Variants in DACH2 observed in about 807,000 individuals in gnomAD.
The protein encoded by DACH2 is dachshund homolog 2.
A neutral mutation model predicts 35.8 loss-of-function variants in DACH2; 17 were observed. The observed-to-expected ratio is 0.48, with a 90% CI of 0.33 to 0.71. The LOEUF is 0.71. DACH2 is among the 30% of genes least tolerant of loss of function. The pLI is 0.02. For synonymous variants in DACH2, 195 were observed against 177.3 expected (o/e 1.10, Z -0.79); for missense variants, 469 against 472.7 (o/e 0.99, Z 0.07).
chrX:86,406,111 G>A (rs1220543422), intron 2 of DACH2, among the ~76,000 whole-genome samples: 2 of 111,492 alleles, frequency 1.8e-5, no homozygotes, highest in East Asian at 2.8e-4. Context: ...TTTGGGACAC[G>A]GCCAAATCAT....
At chrX:86,294,216 C>T (rs755966585) in intron 1 of DACH2, among the ~76,000 whole-genome samples, 221 of 111,809 alleles carry the variant, frequency 2.0e-3, no homozygotes, top group African/African-American at 6.5e-3. Flanking sequence ...TTGATTGCAT[C>T]GGCTCCTGAG....
chrX:86,827,802 G>T (rs780889846), intron 11 of DACH2: 1 of 1,163,121 alleles, frequency 8.6e-7, no homozygotes, highest in Non-Finnish European at 1.2e-6. Flanking sequence ...CTGATCATAG[G>T]CACGAATAGG....
intron 1 of DACH2, among the ~76,000 whole-genome samples, chrX:86,188,174 C>T (rs1345267228): frequency 8.9e-6 from 1 of 112,208 alleles, no homozygotes; most frequent in Non-Finnish European, 1.9e-5. Flanking sequence ...GACAGCCAAC[C>T]TCTGCTAATG....
intron 7 of DACH2, among the ~76,000 whole-genome samples, chrX:86,754,097 T>C: frequency 9.0e-6 from 1 of 111,608 alleles, no homozygotes; most frequent in South Asian, 3.7e-4. Context: ...TGGAATTAAA[T>C]TAATAAGCAA....
chrX:86,233,400 C>T lies in DACH2; in HGVS notation c.488+84292C>T, dbSNP rs770705651. 7.2e-5 allele frequency among the ~76,000 whole-genome samples: 8 copies of T among 111,871 alleles called. No homozygotes were observed. In the East Asian group the frequency reaches 2.0e-3, roughly 27 times the overall value. On this transcript the variant is annotated intron_variant, in intron 1 of 11. Transcript: ENST00000373125. ...AGACAAGCCTACTTCAATTCATTTG[C>T]CTAGTTATTAACACCAACTAGTTGA...
intron 2 of DACH2, among the ~76,000 whole-genome samples, chrX:86,483,576 G>T (rs1231831871): frequency 9.0e-6 from 1 of 111,050 alleles, no homozygotes; most frequent in Non-Finnish European, 1.9e-5. Context: ...CGTGCCTGTT[G>T]TCCCAGCACT....
chrX:86,783,643 T>TTAAG (rs1244056249), intron 7 of DACH2, among the ~76,000 whole-genome samples: 1 of 112,160 alleles, frequency 8.9e-6, no homozygotes, highest in Non-Finnish European at 1.9e-5. Context: ...ATTTATCATT[T>TTAAG]TAAGTGAAAT....
At chrX:86,647,250 G>A (rs1198838427) in intron 3 of DACH2, among the ~76,000 whole-genome samples, 1 of 110,331 alleles carries the variant, frequency 9.1e-6, no homozygotes, top group Non-Finnish European at 1.9e-5. Context: ...ATTAACAATA[G>A]CCAATATATT....
chrX:86,641,853 A>T (rs1393482781), intron 3 of DACH2, among the ~76,000 whole-genome samples: 3 of 112,068 alleles, frequency 2.7e-5, no homozygotes, highest in Non-Finnish European at 5.6e-5. Context: ...ATATCCAGCC[A>T]AATGTAGCTT....
intron 7 of DACH2, among the ~76,000 whole-genome samples, chrX:86,758,519 T>A (rs2041849970): frequency 8.9e-6 from 1 of 112,257 alleles, no homozygotes; most frequent in Non-Finnish European, 1.9e-5. Flanking sequence ...CATTTCCCTG[T>A]ATTTATTCAG....
rs151136383 is a variant in DACH2, at chrX:86,424,276, C to G, written c.527+47414C>G. Among the ~76,000 whole-genome samples, 11 of 110,471 alleles carry G rather than the reference C, an allele frequency of 1.0e-4. No homozygotes were observed. The East Asian group carries it at 3.1e-3, about 31-fold the overall frequency. Reference sequence around the variant, plus strand: ...GTGAACCTGTAGATTGCTTTGTGTACTATGGACATTTTAACAATATTGATT... The same window carrying G: ...GTGAACCTGTAGATTGCTTTGTGTAGTATGGACATTTTAACAATATTGATT... On this transcript the variant is annotated intron_variant, in intron 2 of 11. Coordinates refer to ENST00000373125, the MANE Select transcript of DACH2 (RefSeq NM_053281.3).
intron 1 of DACH2, among the ~76,000 whole-genome samples, chrX:86,241,371 C>A (rs1422841097): frequency 8.9e-6 from 1 of 111,798 alleles, no homozygotes; most frequent in African/African-American, 3.3e-5. Flanking sequence ...ATGTTTGGAA[C>A]TTTGAACTTG....
chrX:86,464,768 A>G (rs2037637174), intron 2 of DACH2, among the ~76,000 whole-genome samples: 1 of 112,305 alleles, frequency 8.9e-6, no homozygotes, highest in African/African-American at 3.2e-5. Context: ...TCATAAAAGG[A>G]TGAGTAACTT....
At chrX:86,641,007 A>G (rs977642243) in intron 3 of DACH2, among the ~76,000 whole-genome samples, 5 of 112,403 alleles carry the variant, frequency 4.4e-5, no homozygotes, top group African/African-American at 1.6e-4. Context: ...ATGAGAAAGA[A>G]CCAGCCTAAG....
At chrX:86,404,135 T>C (rs1371051747) in intron 2 of DACH2, among the ~76,000 whole-genome samples, 1 of 110,849 alleles carries the variant, frequency 9.0e-6, no homozygotes, top group Admixed American at 9.6e-5. Flanking sequence ...ATGAGATTTT[T>C]GTGGGGACAC....
chrX:86,210,025 G>A (rs553927220), intron 1 of DACH2, among the ~76,000 whole-genome samples: 6 of 111,332 alleles, frequency 5.4e-5, no homozygotes, highest in Non-Finnish European at 7.6e-5. Context: ...ATGGCGTAAC[G>A]AAATAAGTTT....
At chrX:86,271,231 G>A (rs892624649) in intron 1 of DACH2, among the ~76,000 whole-genome samples, 2 of 111,949 alleles carry the variant, frequency 1.8e-5, no homozygotes, top group African/African-American at 6.5e-5. Context: ...TCAAGAATTA[G>A]CTTGTTTGAC....
chrX:86,461,046 C>T (rs957400923), intron 2 of DACH2, among the ~76,000 whole-genome samples: 3 of 110,753 alleles, frequency 2.7e-5, no homozygotes, highest in East Asian at 2.8e-4. Flanking sequence ...ATAAACCCAC[C>T]GAAATGCTTC....
intron 1 of DACH2, among the ~76,000 whole-genome samples, chrX:86,206,012 G>A (rs2147908476): frequency 8.9e-6 from 1 of 111,962 alleles, no homozygotes; most frequent in African/African-American, 3.2e-5. Flanking sequence ...TGAGAGTTAA[G>A]TAGAGCAGAC....
Sources: allele counts gnomAD v4.1 joint callset (sites outside exome capture counted in the v4.1 genomes callset), GRCh38; gene constraint gnomAD v4.1.1; transcripts MANE v1.5; gene names NCBI Gene and HGNC (gene_info 2026-07-23, HGNC 2026-07-21).